Variants in DOCK1 observed in about 807,000 individuals in gnomAD.
The protein encoded by DOCK1 is dedicator of cytokinesis protein 1.
Under a neutral mutation model 262.7 loss-of-function variants are expected in DOCK1, and 138 were observed. The observed-to-expected ratio is 0.53, with a 90% CI of 0.46 to 0.61. The LOEUF is 0.61. Ranked by LOEUF, DOCK1 falls within the 20% of genes least tolerant of loss-of-function variation. The probability of loss-of-function intolerance (pLI) is 0.00; values close to 1 mark genes in which losing one functional copy is unlikely to be tolerated. For synonymous variants in DOCK1, 866 were observed against 867.4 expected, an observed-to-expected ratio of 1.00 and a Z score of 0.03; for missense variants, 1,908 against 2,370.7, an observed-to-expected ratio of 0.80 and a Z score of 4.05.
At chr10:127,127,123 G>A (rs913005840) in intron 26 of DOCK1, among the ~76,000 whole-genome samples, 16 of 152,200 alleles carry the variant, frequency 1.1e-4, no homozygotes, top group African/African-American at 3.9e-4. Context: ...CCTAGAGCAT[G>A]TGTTTAAGCA....
At chr10:126,991,193 G>A (rs2039760179) in intron 6 of DOCK1, among the ~76,000 whole-genome samples, 1 of 152,178 alleles carries the variant, frequency 6.6e-6, no homozygotes, top group Non-Finnish European at 1.5e-5. Flanking sequence ...CTCTGCATGA[G>A]TGCCTTTAGT....
intron 6 of DOCK1, among the ~76,000 whole-genome samples, chr10:126,992,771 C>T (rs1474681005): frequency 7.2e-6 from 1 of 138,578 alleles, no homozygotes; most frequent in South Asian, 2.6e-4. Flanking sequence ...CACAGACAGA[C>T]ACAGACACAC....
intron 27 of DOCK1, among the ~76,000 whole-genome samples, chr10:127,219,302 A>T (rs74158633): frequency 3.7e-3 from 560 of 152,322 alleles, no homozygotes; most frequent in African/African-American, 0.013. Flanking sequence ...GTATTATATT[A>T]TAGAAGGAAA....
chr10:127,215,132 T>C (rs1240265855), intron 27 of DOCK1, among the ~76,000 whole-genome samples: 3 of 152,180 alleles, frequency 2.0e-5, no homozygotes, highest in East Asian at 3.9e-4. Flanking sequence ...TGCCTCGCTA[T>C]CAGCCTTCTT....
intron 25 of DOCK1, among the ~76,000 whole-genome samples, chr10:127,122,413 G>A (rs1050644469): frequency 2.0e-5 from 3 of 152,148 alleles, no homozygotes; most frequent in Non-Finnish European, 2.9e-5. Flanking sequence ...GGGTCGGGGT[G>A]GAGTTTCCTG....
chr10:127,055,237 C>T (rs1200966658), intron 22 of DOCK1, among the ~76,000 whole-genome samples: 2 of 152,082 alleles, frequency 1.3e-5, no homozygotes, highest in African/African-American at 2.4e-5. Flanking sequence ...GAGGACTCAG[C>T]GTCCTGATGT....
At chr10:126,976,225 C>G (rs996182261) in intron 2 of DOCK1, among the ~76,000 whole-genome samples, 1 of 152,180 alleles carries the variant, frequency 6.6e-6, no homozygotes, top group Non-Finnish European at 1.5e-5. Flanking sequence ...AACCACTGAA[C>G]TTGACAATAT....
intron 29 of DOCK1, among the ~76,000 whole-genome samples, chr10:127,261,201 G>GTT (rs1276477782): frequency 8.0e-6 from 1 of 124,656 alleles, no homozygotes; most frequent in Non-Finnish European, 1.7e-5. Flanking sequence ...GGGTGTGTGT[G>GTT]TGTACCTGCA....
intron 23 of DOCK1, among the ~76,000 whole-genome samples, chr10:127,102,352 G>A (rs1225523552): frequency 6.6e-6 from 1 of 152,138 alleles, no homozygotes; most frequent in Non-Finnish European, 1.5e-5. Flanking sequence ...ATAGAGCCCA[G>A]CACCTAGAAA....
At chr10:127,065,850 A>G (rs1200468106) in intron 23 of DOCK1, among the ~76,000 whole-genome samples, 1 of 80,966 alleles carries the variant, frequency 1.2e-5, no homozygotes, top group Non-Finnish European at 2.9e-5. Flanking sequence ...GCAAAACTCC[A>G]TCTCGAAAAA....
At chr10:127,403,369 T>G (rs1380525683) in intron 39 of DOCK1, among the ~76,000 whole-genome samples, 2 of 152,230 alleles carry the variant, frequency 1.3e-5, no homozygotes, top group Non-Finnish European at 2.9e-5. Flanking sequence ...AACCAAACTC[T>G]TAAGGCTTCT....
Position 126,981,153 on chromosome 10 carries a change from G to T in DOCK1, c.172-765G>T, listed in dbSNP as rs188819947. Among the ~76,000 whole-genome samples the T allele has an allele frequency of 1.2e-3, 181 of 152,132 alleles. 1 individual carries two copies. Among genetic ancestry groups the T allele is most frequent in the African/African-American group, 4.3e-3 (177 of 41,514 alleles). ...AGTAGAGATGGGGTTTCACCATGTT[G>T]GCCAGGCTGGTCTTGAACTCCTGAC... On this transcript the variant is annotated intron_variant, in intron 3 of 51. Coordinates refer to ENST00000623213, the MANE Select transcript of DOCK1 (RefSeq NM_001290223.2).
At chr10:127,112,054 G>T (rs937306061) in intron 25 of DOCK1, among the ~76,000 whole-genome samples, 3 of 149,702 alleles carry the variant, frequency 2.0e-5, no homozygotes, top group African/African-American at 2.5e-5. Context: ...CGCTGTTGCC[G>T]AGGCTGGAGT....
intron 44 of DOCK1, among the ~76,000 whole-genome samples, chr10:127,416,921 C>T (rs967928312): frequency 2.2e-4 from 6 of 27,164 alleles, no homozygotes; most frequent in Middle Eastern, 0.015. Flanking sequence ...TGGCTGGCCA[C>T]ACCAGTGCAT....
intron 23 of DOCK1, among the ~76,000 whole-genome samples, chr10:127,082,545 A>G (rs756633191): frequency 1.3e-5 from 2 of 152,152 alleles, no homozygotes; most frequent in Non-Finnish European, 2.9e-5. Context: ...TCATACTGTC[A>G]TGAGAACAGC....
At chr10:126,962,160 ACT>A (rs1373965810) in intron 1 of DOCK1, among the ~76,000 whole-genome samples, 6 of 115,578 alleles carry the variant, frequency 5.2e-5, no homozygotes, top group African/African-American at 1.9e-4. Flanking sequence ...ACCATGCCCG[ACT>A]CTTTTTTTTT....
chr10:127,192,799 C>CA (rs1485162593), intron 27 of DOCK1: 1 of 152,224 alleles, frequency 6.6e-6, no homozygotes, highest in Admixed American at 6.5e-5. Flanking sequence ...TAGTGCTTAA[C>CA]ACAAGACATT....
chr10:126,987,524 A>G lies in DOCK1; in HGVS notation c.231A>G (p.Gln77=). The change falls in exon 5 of 52, where the codon CAA becomes CAG. Residue 77 remains glutamine (Q), a synonymous_variant. Transcript: ENST00000623213. ...CTCTTTCCTTCTTTCCTCCCAGGCAACATGAAACAGTCATCCCGGGTGACC... is the reference window on the plus strand; with the variant it reads ...CTCTTTCCTTCTTTCCTCCCAGGCAGCATGAAACAGTCATCCCGGGTGACC... ...LKEAIVEGKG[Q]HETVIPGDLP... 6.3e-7 allele frequency: 1 copy of G among 1,576,468 alleles called. No individual in the cohort carries two copies. Among genetic ancestry groups the G allele is most frequent in the Non-Finnish European group, 8.6e-7 (1 of 1,160,696 alleles).
chr10:127,216,324 A>T (rs908994823), intron 27 of DOCK1, among the ~76,000 whole-genome samples: 2 of 151,652 alleles, frequency 1.3e-5, no homozygotes. Flanking sequence ...AAAAAAAAAA[A>T]AGAAAAAGAA....
Sources: allele counts gnomAD v4.1 joint callset (sites outside exome capture counted in the v4.1 genomes callset), GRCh38; gene constraint gnomAD v4.1.1; transcripts MANE v1.5; gene names NCBI Gene and HGNC (gene_info 2026-07-23, HGNC 2026-07-21).